Variants in VCAN observed in about 807,000 individuals in gnomAD.
VCAN encodes the protein versican, also known as versican core protein.
In VCAN, 44 loss-of-function variants were observed where a neutral mutation model predicts 245.5. The observed-to-expected ratio is 0.18, with a 90% confidence interval of 0.14 to 0.23. VCAN has a LOEUF of 0.23. Ranked by LOEUF, VCAN falls within the 10% of genes least tolerant of loss-of-function variation. The pLI is 1.00. For missense variants in VCAN, 3,793 were observed against 4,057.9 expected, an observed-to-expected ratio of 0.93 and a Z score of 1.77; for synonymous variants, 1,413 against 1,437.0, an observed-to-expected ratio of 0.98 and a Z score of 0.38.
intron 7 of VCAN, among the ~76,000 whole-genome samples, chr5:83,528,399 T>C (rs902387725): frequency 2.0e-5 from 3 of 152,098 alleles, no homozygotes; most frequent in African/African-American, 7.2e-5. Flanking sequence ...CAGCTGTTTT[T>C]CTAAATAGAG....
chr5:83,556,075 C>G (rs1004570701), intron 12 of VCAN, among the ~76,000 whole-genome samples: 3 of 152,192 alleles, frequency 2.0e-5, no homozygotes, highest in African/African-American at 7.2e-5. Flanking sequence ...AAGTTCTGCT[C>G]TGTCTTAAGA....
Position 83,512,232 on chromosome 5 carries a change from A to G in VCAN, c.878A>G (p.Gln293Arg). 6.2e-7 allele frequency: 1 copy of G among 1,614,176 alleles called. No individual in the cohort carries two copies. Among genetic ancestry groups the G allele is most frequent in the Non-Finnish European group, 8.5e-7 (1 of 1,180,024 alleles). Reference protein sequence around the residue: ...LQAAWRNGFDQCDYGWLSDAS... With the variant: ...LQAAWRNGFDRCDYGWLSDAS... ...GCGGCATGGAGGAACGGCTTTGACC[A>G]GTGCGATTACGGGTGGCTGTCGGAT... Residue 293 changes from glutamine (Q) to arginine (R), a missense_variant, in exon 6 of 15, where the codon CAG (glutamine) becomes CGG (arginine). By Grantham distance (43) the Gln-to-Arg change is conservative. This residue lies in a region of VCAN where 190 missense variants were observed against 288.6 expected (regional missense o/e 0.66). Transcript: ENST00000265077.
intron 12 of VCAN, among the ~76,000 whole-genome samples, chr5:83,567,490 C>CA (rs1554043234): frequency 4.6e-5 from 7 of 151,326 alleles, no homozygotes; most frequent in African/African-American, 7.3e-5. Flanking sequence ...TTAGTAGAGA[C>CA]GGGGTTTCAC....
intron 8 of VCAN, chr5:83,544,822 T>A (rs1747144930): frequency 6.6e-6 from 1 of 152,286 alleles, no homozygotes; most frequent in South Asian, 2.1e-4. Context: ...CATATTTATC[T>A]CCCAGGAGTG....
intron 2 of VCAN, among the ~76,000 whole-genome samples, chr5:83,484,830 C>T (rs540069995): frequency 6.6e-6 from 1 of 152,184 alleles, no homozygotes; most frequent in African/African-American, 2.4e-5. Flanking sequence ...GATAAGACCT[C>T]CTTGAGAAAG....
chr5:83,492,396 A>T (rs563410959), intron 3 of VCAN, among the ~76,000 whole-genome samples: 26 of 152,252 alleles, frequency 1.7e-4, no homozygotes, highest in Admixed American at 8.5e-4. Context: ...AAATGGGATG[A>T]CTCTTAATAA....
In VCAN at chr5:83,545,244, G is replaced by A. The variant is rs1018342978; in HGVS notation, c.9266-293G>A. Reference sequence around the variant, plus strand: ...GACTAAAATCAATTGCCATTATCATGCCAACTAAATCTGCAGTAGAATATA... The same window carrying A: ...GACTAAAATCAATTGCCATTATCATACCAACTAAATCTGCAGTAGAATATA... On this transcript the variant is annotated intron_variant, in intron 8 of 14. Coordinates refer to ENST00000265077, the MANE Select transcript of VCAN (RefSeq NM_004385.5). 2.6e-5 allele frequency among the ~76,000 whole-genome samples: 4 copies of A among 152,040 alleles called. 1 individual carries two copies. In the South Asian group the frequency reaches 8.3e-4, roughly 32 times the overall value.
chr5:83,474,060 A>T (rs1744294967), intron 1 of VCAN, among the ~76,000 whole-genome samples: 1 of 152,122 alleles, frequency 6.6e-6, no homozygotes. Context: ...TTTAAGAAAG[A>T]TAATACACAT....
intron 1 of VCAN, among the ~76,000 whole-genome samples, chr5:83,477,759 A>G (rs763342585): frequency 9.9e-5 from 15 of 152,148 alleles, no homozygotes; most frequent in Non-Finnish European, 1.9e-4. Flanking sequence ...ATAACTTTGA[A>G]AAGTCCACAT....
intron 1 of VCAN, among the ~76,000 whole-genome samples, chr5:83,478,880 A>G (rs996069381): frequency 6.6e-6 from 1 of 152,186 alleles, no homozygotes; most frequent in African/African-American, 2.4e-5. Context: ...CACATATGCA[A>G]AATGGTGATA....
chr5:83,490,419 A>T lies in VCAN; in HGVS notation c.392A>T (p.Asp131Val). 1.2e-6 allele frequency: 2 copies of T among 1,614,132 alleles called. No individual in the cohort carries two copies. Among genetic ancestry groups the T allele is most frequent in the Non-Finnish European group, 1.7e-6 (2 of 1,180,028 alleles). ...AGTGATGCGGGTCTTTACCGCTGTG[A>T]CGTCATGTACGGGATTGAAGACACA... ...LASDAGLYRC[D>V]VMYGIEDTQD... The change falls in exon 3 of 15, where the codon GAC becomes GTC. Residue 131 changes from aspartate to valine, a missense_variant. This residue lies in a region of VCAN where 179 missense variants were observed against 169.7 expected (regional missense o/e 1.05). Coordinates refer to ENST00000265077, the MANE Select transcript of VCAN (RefSeq NM_004385.5).
Position 83,519,786 on chromosome 5 carries a change from G to T in VCAN, c.1480G>T (p.Glu494Ter). 1 of 1,614,158 alleles carries T rather than the reference G, an allele frequency of 6.2e-7. No individual in the cohort carries two copies. The highest frequency in any genetic ancestry group is 8.5e-7 in the Non-Finnish European group (1 of 1,179,988). The change falls in exon 7 of 15, where the codon GAA (glutamate) becomes TAA (stop). Residue 494 changes from glutamate (E) to a stop codon, truncating the protein, a stop_gained. Coordinates refer to ENST00000265077, the MANE Select transcript of VCAN (RefSeq NM_004385.5). LOFTEE classifies it high-confidence loss of function. The stretch of plus-strand genomic sequence containing the variant: ...ATCGGTTACACAGATTGAACAAATA[G>T]AAGTGGGTCCTTTGGTAACATCTAT... The part of the protein sequence containing the change: ...QESVTQIEQI[E>*]VGPLVTSMEI...
In VCAN at chr5:83,540,815, A is replaced by G. The variant is rs145900584; in HGVS notation, c.7812A>G (p.Glu2604=). 3.0e-4 allele frequency: 488 copies of G among 1,613,930 alleles called. No individual in the cohort carries two copies. The highest frequency in any genetic ancestry group is 3.8e-4 in the Non-Finnish European group (449 of 1,179,982). ...ATATAGATACAGAGGTACCATCAGA[A>G]CCACATGACAGTAATGATGAAAGTA... The part of the protein sequence containing the change: ...QTDIDTEVPS[E]PHDSNDESND... The change falls in exon 8 of 15, where the codon GAA becomes GAG. Residue 2604 remains glutamate (E), a synonymous_variant. Transcript: ENST00000265077.
At chr5:83,571,035 A>G (rs921569940) in intron 12 of VCAN, among the ~76,000 whole-genome samples, 1 of 152,196 alleles carries the variant, frequency 6.6e-6, no homozygotes, top group Non-Finnish European at 1.5e-5. Context: ...CCATTGTCAC[A>G]TAAATCTAAA....
intron 12 of VCAN, among the ~76,000 whole-genome samples, chr5:83,569,627 A>C (rs1313230771): frequency 6.6e-6 from 1 of 152,188 alleles, no homozygotes; most frequent in Non-Finnish European, 1.5e-5. Flanking sequence ...CAGTGTAGGT[A>C]GGGACAAAAA....
intron 8 of VCAN, 54 bp from the exon 9 acceptor site, chr5:83,545,483 C>T (rs1185026823): frequency 1.7e-5 from 25 of 1,472,448 alleles, no homozygotes; most frequent in Middle Eastern, 1.7e-4. Flanking sequence ...CTAAAATACA[C>T]GCAAACATTA....
At chr5:83,489,712 T>C (rs565675642) in intron 2 of VCAN, among the ~76,000 whole-genome samples, 1 of 152,308 alleles carries the variant, frequency 6.6e-6, no homozygotes, top group South Asian at 2.1e-4. Context: ...TTTTCATCTT[T>C]CAGCTGCTCT....
chr5:83,579,915 TAA>T, intron 13 of VCAN, 63 bp from the exon 14 acceptor site: 3 of 1,540,418 alleles, frequency 1.9e-6, no homozygotes, highest in Admixed American at 1.7e-5. Context: ...GAGAGAAAAA[TAA>T]GAGACTCATA....
chr5:83,550,936 T>A (rs1580058576), intron 10 of VCAN, among the ~76,000 whole-genome samples: 1 of 61,300 alleles, frequency 1.6e-5, no homozygotes, highest in Admixed American at 1.7e-4. Flanking sequence ...GTTGGCTTTG[T>A]TTTTTTTTTT....
Sources: allele counts gnomAD v4.1 joint callset (sites outside exome capture counted in the v4.1 genomes callset), GRCh38; gene constraint gnomAD v4.1.1; regional missense constraint gnomAD v4.1.1; transcripts MANE v1.5; gene names NCBI Gene and HGNC (gene_info 2026-07-23, HGNC 2026-07-21).